Variants in HMCN2 observed in about 807,000 individuals in gnomAD.
The protein encoded by HMCN2 is hemicentin-2.
In HMCN2, 325 loss-of-function variants were observed where a neutral mutation model predicts 377.5. The observed-to-expected ratio is 0.86, with a 90% CI of 0.79 to 0.94. The LOEUF is 0.94. Among genes scored for constraint, HMCN2 ranks in the 40% least tolerant of loss-of-function variants. The pLI, the probability that HMCN2 is intolerant of heterozygous loss-of-function variation, is 0.00. For missense variants in HMCN2, 4,543 were observed against 4,725.3 expected, an observed-to-expected ratio of 0.96 and a Z score of 1.13; for synonymous variants, 2,007 against 2,046.8, an observed-to-expected ratio of 0.98 and a Z score of 0.53.
intron 8 of HMCN2, among the ~76,000 whole-genome samples, chr9:130,301,938 C>T (rs1408615728): frequency 6.6e-6 from 1 of 152,236 alleles, no homozygotes; most frequent in East Asian, 1.9e-4. Flanking sequence ...AGGCTCGGGC[C>T]AGGGAGGGGT....
At position 130,348,576 on chromosome 9, in the gene HMCN2, G is replaced by A; in HGVS notation, c.4056G>A (p.Lys1352=). Residue 1352 remains lysine, a synonymous_variant, in exon 27 of 98, where the codon AAG becomes AAA. Transcript: ENST00000683500. ...CCAGCATCCGGGAGGACGGGCGCAA[G>A]GCCAACGTGTCGGGTATGGCCGGGC... ...VPPSIREDGR[K]ANVSGMAGQS... is the part of the protein sequence containing the mutation. The A allele has an allele frequency of 2.3e-6, 3 of 1,304,282 alleles. No individual in the cohort carries two copies. The highest frequency in any genetic ancestry group is 3.0e-6 in the Non-Finnish European group (3 of 988,942). 80.8% of individuals were successfully genotyped at this position (1,304,282 alleles called of 1,614,324 possible).
intron 47 of HMCN2, 144 bp from the exon 48 acceptor site, chr9:130,372,894 C>T (rs1428294715): frequency 1.3e-5 from 2 of 154,960 alleles, no homozygotes; most frequent in African/African-American, 4.8e-5. Context: ...AACTCACCAC[C>T]CTATGGAAAC....
chr9:130,275,883 C>T (rs1286998500), intron 1 of HMCN2, among the ~76,000 whole-genome samples: 4 of 103,310 alleles, frequency 3.9e-5, no homozygotes, highest in African/African-American at 1.2e-4. Context: ...GAGGTCTGAG[C>T]GGCCCGTGAG....
Position 130,357,910 on chromosome 9 carries a change from A to G in HMCN2, c.5502A>G (p.Ile1834Met), listed in dbSNP as rs1840135102. 7.7e-7 allele frequency: 1 copy of G among 1,304,184 alleles called. No individual in the cohort carries two copies. The highest frequency in any genetic ancestry group is 1.0e-6 in the Non-Finnish European group (1 of 988,910). The allele number at this position is 1,304,184 out of a possible 1,614,324, so 80.8% of individuals were successfully genotyped here. A position where few individuals can be genotyped will look rare whatever the true frequency, so the allele number is the denominator to read the frequency against. The change falls in exon 35 of 98, where the codon ATA becomes ATG. Residue 1834 changes from isoleucine (I) to methionine (M), a missense_variant. Physicochemically the swap from Ile to Met is conservative, Grantham distance 10. Around this residue, in one of 5 missense-constraint regions of HMCN2, gnomAD observed 1,032 missense variants for 1,285.1 expected, o/e 0.80. Transcript: ENST00000683500. The stretch of plus-strand genomic sequence containing the variant: ...TGCAGCCTGTGACCCTCCAGTGCAT[A>G]GGGGATGGGGTGCCCACCCCAAGCC... ...PFLQPVTLQC[I>M]GDGVPTPSLR... is the part of the protein sequence containing the mutation.
Position 130,306,914 on chromosome 9 carries a change from G to A in HMCN2, c.2062G>A (p.Glu688Lys), listed in dbSNP as rs782257222. The A allele has an allele frequency of 1.1e-5, 5 of 470,580 alleles. No homozygotes were observed. In the East Asian group the frequency reaches 2.8e-4, roughly 26 times the overall value. 29.2% of individuals were successfully genotyped at this position (470,580 alleles called of 1,614,324 possible). ...GACTAATGAGGTTGGCACTGACCAG[G>A]AGACGGTCACCCTCTACTACACAGG... ...QATNEVGTDQETVTLYYTDPP... is the reference protein window; with the variant it reads ...QATNEVGTDQKTVTLYYTDPP... Residue 688 changes from glutamate to lysine, a missense_variant, in exon 13 of 98, where the codon GAG becomes AAG. Coordinates refer to ENST00000683500, the MANE Select transcript of HMCN2 (RefSeq NM_001291815.2).
rs762464644 is a variant in HMCN2, at chr9:130,351,584, C to T, written c.4585+7C>T. ...TTCCAGCTCCGAGTTCATGGTGAGC[C>T]CCCACGCCTTCTGGGACCCCGCCAC... On this transcript the variant is annotated splice_region_variant and intron_variant, in intron 30 of 97. Coordinates refer to ENST00000683500, the MANE Select transcript of HMCN2 (RefSeq NM_001291815.2). This position sits in a 1 kb window ranked among gnomAD's most constrained non-coding sequence, Gnocchi z 5.4. The T allele has an allele frequency of 2.5e-4, 328 of 1,298,964 alleles. No homozygotes were observed. In the Middle Eastern group the frequency reaches 3.4e-3, roughly 13 times the overall value. The allele number at this position is 1,298,964 out of a possible 1,614,324, so 80.5% of individuals were successfully genotyped here. A position where few individuals can be genotyped will look rare whatever the true frequency, so the allele number is the denominator to read the frequency against.
intron 15 of HMCN2, among the ~76,000 whole-genome samples, chr9:130,311,338 G>T (rs1027106500): frequency 5.3e-5 from 8 of 152,212 alleles, no homozygotes; most frequent in East Asian, 1.9e-4. Context: ...GGCCTGGGGG[G>T]GTTGTGCTGT....
Position 130,422,523 on chromosome 9 carries a change from G to A in HMCN2, c.13232-54G>A. ...ATGGGAATGACAGCCTGCTTGTGCT[G>A]TGGGCCCCGGGGTGGATAGTCAGTG... On this transcript the variant is annotated intron_variant, in intron 86 of 97. Coordinates refer to ENST00000683500, the MANE Select transcript of HMCN2 (RefSeq NM_001291815.2). This position sits in a 1 kb window ranked among gnomAD's most constrained non-coding sequence, Gnocchi z 4.2. 3.2e-6 allele frequency: 4 copies of A among 1,264,354 alleles called. No homozygotes were observed. Among genetic ancestry groups the A allele is most frequent in the Non-Finnish European group, 4.0e-6 (4 of 993,564 alleles). The allele number at this position is 1,264,354 out of a possible 1,614,324, so 78.3% of individuals were successfully genotyped here. A position where few individuals can be genotyped will look rare whatever the true frequency, so the allele number is the denominator to read the frequency against.
Position 130,418,780 on chromosome 9 carries a change from G to T in HMCN2, c.12970G>T (p.Val4324Leu), listed in dbSNP as rs1264592342. The stretch of plus-strand genomic sequence containing the variant: ...ACCTGGGCCTCCCACAGGTGCTCCG[G>T]TGTTCCAGGTGGAGCCCCAGGACAT... ...VVILVLQSAP[V>L]FQVEPQDMTV... The change falls in exon 86 of 98, where the codon GTG (valine) becomes TTG (leucine). Residue 4324 changes from valine (V) to leucine (L), a missense_variant. By Grantham distance (32) the Val-to-Leu change is conservative. Around this residue, in one of 5 missense-constraint regions of HMCN2, gnomAD observed 1,155 missense variants for 1,157.7 expected, o/e 1.00. Coordinates refer to ENST00000683500, the MANE Select transcript of HMCN2 (RefSeq NM_001291815.2). 2.8e-6 allele frequency: 4 copies of T among 1,437,002 alleles called. No individual in the cohort carries two copies. Among genetic ancestry groups the T allele is most frequent in the South Asian group, 1.5e-5 (1 of 65,062 alleles). 89.0% of individuals were successfully genotyped at this position (1,437,002 alleles called of 1,614,324 possible).
intron 80 of HMCN2, 105 bp downstream of exon 80, chr9:130,403,980 C>T (rs1242833217): frequency 9.4e-7 from 1 of 1,065,560 alleles, no homozygotes; most frequent in East Asian, 6.6e-5. Flanking sequence ...GCTTATAGTT[C>T]TAGAAGGAAT....
At chr9:130,309,514 CAAAAAAA>C (rs143190808) in intron 14 of HMCN2, among the ~76,000 whole-genome samples, 16 of 72,356 alleles carry the variant, frequency 2.2e-4, no homozygotes, top group South Asian at 1.7e-3. Flanking sequence ...GACTCTGTCT[CAAAAAAA>C]AAAAAAAAAA....
In HMCN2 at chr9:130,351,673, T is replaced by C; in HGVS notation, c.4585+96T>C. The C allele has an allele frequency of 9.5e-7, 1 of 1,048,532 alleles. No individual in the cohort carries two copies. The highest frequency in any genetic ancestry group is 3.0e-5 in the Admixed American group (1 of 32,934). The allele number at this position is 1,048,532 out of a possible 1,614,324, so 65.0% of individuals were successfully genotyped here. ...CTTAGAGGGAGAGTGAGGGCTGAAA[T>C]GGGGGACCTGGTGAGTGATCCCTGA... On this transcript the variant is annotated intron_variant, in intron 30 of 97. Transcript: ENST00000683500. This position sits in a 1 kb window ranked among gnomAD's most constrained non-coding sequence, Gnocchi z 5.4.
intron 15 of HMCN2, among the ~76,000 whole-genome samples, chr9:130,311,617 A>C (rs931636969): frequency 5.3e-5 from 8 of 152,164 alleles, no homozygotes; most frequent in African/African-American, 1.9e-4. Flanking sequence ...GGCTAATCCC[A>C]GGAAGACTTC....
chr9:130,360,668 T>C lies in HMCN2; in HGVS notation c.5950+64T>C. On this transcript the variant is annotated intron_variant, in intron 38 of 97. Transcript: ENST00000683500. The surrounding 1 kb of genome is among the most constrained non-coding windows in gnomAD (Gnocchi z 4.7). The stretch of plus-strand genomic sequence containing the variant: ...AGTTGTCTTTTCATTCATTTGTCTA[T>C]TAGTCTGTCCATCCACCTGTCCACT... 1 of 1,064,198 alleles carries C rather than the reference T, an allele frequency of 9.4e-7. No homozygotes were observed. The highest frequency in any genetic ancestry group is 1.3e-6 in the Non-Finnish European group (1 of 798,470). The allele number at this position is 1,064,198 out of a possible 1,614,324, so 65.9% of individuals were successfully genotyped here.
intron 25 of HMCN2, among the ~76,000 whole-genome samples, chr9:130,345,785 T>G (rs1839362833): frequency 6.6e-6 from 1 of 151,736 alleles, no homozygotes; most frequent in African/African-American, 2.4e-5. Flanking sequence ...AGAGCGTGGG[T>G]GGACATGGAG....
At chr9:130,302,033 C>T (rs1277024252) in intron 8 of HMCN2, among the ~76,000 whole-genome samples, 12 of 149,412 alleles carry the variant, frequency 8.0e-5, no homozygotes, top group African/African-American at 3.0e-4. Context: ...GCATTTATAC[C>T]CATCCTCTAG....
chr9:130,383,826 C>T lies in HMCN2; in HGVS notation c.8830+226C>T, dbSNP rs73551716. On this transcript the variant is annotated intron_variant, in intron 57 of 97. Transcript: ENST00000683500. ...CTTTGGAGATGGCCAGGCATTACCA[C>T]CACCATTACTGAGCACTTACTGTGT... Among the ~76,000 whole-genome samples the T allele has an allele frequency of 3.7e-3, 559 of 152,280 alleles. 5 individuals are homozygous for T. The highest frequency in any genetic ancestry group is 0.013 in the African/African-American group (533 of 41,520).
chr9:130,320,592 C>T (rs1837793450), intron 17 of HMCN2, 141 bp downstream of exon 17: 1 of 152,472 alleles, frequency 6.6e-6, no homozygotes, highest in East Asian at 1.9e-4. Context: ...GCCAAATTCT[C>T]CAAGAGCAGC....
chr9:130,290,302 A>T (rs2131296908), intron 4 of HMCN2, among the ~76,000 whole-genome samples: 1 of 152,286 alleles, frequency 6.6e-6, no homozygotes, highest in South Asian at 2.1e-4. Context: ...GGATATGCTT[A>T]CAGGGCAGGC....
Sources: gnomAD v4.1 joint callset for allele counts (sites outside exome capture counted in the v4.1 genomes callset) on GRCh38, gnomAD v4.1.1 for gene constraint, gnomAD v4.1.1 regional missense constraint, Gnocchi (gnomAD v3.1) non-coding constraint, MANE v1.5 for transcripts, NCBI Gene and HGNC (gene_info 2026-07-23, HGNC 2026-07-21) for gene names.